DAPK2: variants seen among roughly 807,000 people sequenced by gnomAD.
DAPK2 encodes the protein death-associated protein kinase 2.
In DAPK2, 35 loss-of-function variants were observed where a neutral mutation model predicts 44.1. The ratio of observed to expected loss-of-function variants is 0.79; its 90% CI spans 0.61 to 1.05. The LOEUF (loss-of-function observed/expected upper bound fraction) is 1.05. Among genes scored for constraint, DAPK2 ranks in the 50% least tolerant of loss-of-function variants. DAPK2 has a pLI of 0.00. For synonymous variants in DAPK2, 174 were observed against 182.6 expected (o/e 0.95, Z 0.38); for missense variants, 453 against 483.2 (o/e 0.94, Z 0.59).
At chr15:63,946,039 C>A (rs1277914458) in intron 3 of DAPK2, among the ~76,000 whole-genome samples, 1 of 152,268 alleles carries the variant, frequency 6.6e-6, no homozygotes, top group Non-Finnish European at 1.5e-5. Context: ...CCTGACATCA[C>A]CTCCAAAGCA....
chr15:64,015,472 C>T (rs896359042), intron 1 of DAPK2, among the ~76,000 whole-genome samples: 6 of 152,186 alleles, frequency 3.9e-5, no homozygotes, highest in Non-Finnish European at 5.9e-5. Context: ...CCCCAAAGTT[C>T]TCATGCAACT....
rs867585698 is a variant in DAPK2 at position 64,028,204 on chromosome 15, G to A, written c.92+11966C>T. 5.9e-5 allele frequency among the ~76,000 whole-genome samples: 9 copies of A among 152,238 alleles called. No individual in the cohort carries two copies. The Middle Eastern group carries it at 0.01, about 173-fold the overall frequency. On this transcript the variant is annotated intron_variant, in intron 1 of 10. Transcript: ENST00000261891. ...CTCCCAGGTTGCTGGGACTACAGGTGTGCGCCACCACACCTGGCTAATTTT... is the reference window on the plus strand; with the variant it reads ...CTCCCAGGTTGCTGGGACTACAGGTATGCGCCACCACACCTGGCTAATTTT...
At chr15:63,993,669 A>T (rs1300448099) in intron 1 of DAPK2, among the ~76,000 whole-genome samples, 1 of 152,094 alleles carries the variant, frequency 6.6e-6, no homozygotes, top group Non-Finnish European at 1.5e-5. Flanking sequence ...AATGGGGAAG[A>T]CTACATATCA....
chr15:63,983,502 C>T (rs1458610008), intron 2 of DAPK2, 31 bp downstream of exon 3: 1 of 1,605,468 alleles, frequency 6.2e-7, no homozygotes, highest in Non-Finnish European at 8.5e-7. Context: ...TGCTGCCCCC[C>T]AACCCTGTGG....
chr15:63,977,029 T>TTC lies in DAPK2; in HGVS notation c.315-5469_315-5468insGA, dbSNP rs1214222028. Among the ~76,000 whole-genome samples, 36 of 152,190 alleles carry TTC rather than the reference T, an allele frequency of 2.4e-4. 1 individual carries two copies. The highest frequency in any genetic ancestry group is 1.7e-3 in the Admixed American group (26 of 15,290). On this transcript the variant is annotated intron_variant, in intron 2 of 10. Coordinates refer to ENST00000261891, the Ensembl canonical transcript of DAPK2. ...GAACACCATGAGGAAGGAACAAGTC[T>TTC]AATCCAGACTGTGAAACAGGACAAG... is the stretch of plus-strand genomic sequence containing the variant.
At position 63,946,139 on chromosome 15, in the gene DAPK2, A is replaced by C. The variant is rs140059573; in HGVS notation, c.454-6778T>G. Among the ~76,000 whole-genome samples, 1,037 of 152,360 alleles carry C rather than the reference A, an allele frequency of 6.8e-3. 12 individuals carry two copies. The highest frequency in any genetic ancestry group is 0.024 in the African/African-American group (980 of 41,582). ...ACCAGGAGGCAGAAATACCCTTGTC[A>C]AAACAAACCCACCCAGCTCATCCCG... On this transcript the variant is annotated intron_variant, in intron 3 of 10. Coordinates refer to ENST00000261891, the Ensembl canonical transcript of DAPK2.
At chr15:63,951,417 T>G (rs1009443412) in intron 3 of DAPK2, among the ~76,000 whole-genome samples, 3 of 152,174 alleles carry the variant, frequency 2.0e-5, no homozygotes, top group Non-Finnish European at 4.4e-5. Flanking sequence ...TCAGCCCCAG[T>G]GTCCCTTCCA....
At chr15:64,033,628 G>A (rs28544998) in intron 1 of DAPK2, among the ~76,000 whole-genome samples, 5,711 of 152,060 alleles carry the variant, frequency 0.038, 342 homozygotes, top group African/African-American at 0.13. Flanking sequence ...AATGACCATC[G>A]CTGGGCACAG....
chr15:64,010,521 A>G (rs2079362713), intron 1 of DAPK2, among the ~76,000 whole-genome samples: 3 of 152,180 alleles, frequency 2.0e-5, no homozygotes, highest in African/African-American at 7.2e-5. Context: ...GATGATCCCT[A>G]CATTTGTCTC....
At position 63,990,749 on chromosome 15, in the gene DAPK2, C is replaced by A. The variant is rs17788807; in HGVS notation, c.93-6995G>T. On this transcript the variant is annotated intron_variant, in intron 1 of 10. Coordinates refer to ENST00000261891, the Ensembl canonical transcript of DAPK2. The surrounding 1 kb of genome is among the most constrained non-coding windows in gnomAD (Gnocchi z 4.3). ...CCGTGATTCCTCTGGAATTACCCTG[C>A]GAGGTTTCAGGGCCATAGGGCAGGG... Among the ~76,000 whole-genome samples, 1 of 152,032 alleles carries A rather than the reference C, an allele frequency of 6.6e-6. No homozygotes were observed. Among genetic ancestry groups the A allele is most frequent in the Non-Finnish European group, 1.5e-5 (1 of 67,998 alleles).
chr15:64,019,218 C>T (rs950723071), intron 1 of DAPK2, among the ~76,000 whole-genome samples: 6 of 152,208 alleles, frequency 3.9e-5, no homozygotes, highest in Non-Finnish European at 7.3e-5. Context: ...CTGGGCCAAG[C>T]GGAGCTAGCT....
intron 6 of DAPK2, among the ~76,000 whole-genome samples, chr15:63,929,247 T>C (rs997980250): frequency 1.3e-5 from 2 of 149,992 alleles, no homozygotes; most frequent in African/African-American, 4.9e-5. Context: ...TTCTCCAGTA[T>C]ACCTCAGTCT....
chr15:64,002,955 T>G (rs1567266457), intron 1 of DAPK2, among the ~76,000 whole-genome samples: 83 of 118,696 alleles, frequency 7.0e-4, no homozygotes, highest in South Asian at 1.2e-3. Context: ...TGTGTGTGTG[T>G]GTGTGTGTGT....
At chr15:63,973,358 C>T (rs2078263806) in intron 2 of DAPK2, among the ~76,000 whole-genome samples, 1 of 152,224 alleles carries the variant, frequency 6.6e-6, no homozygotes, top group African/African-American at 2.4e-5. Context: ...TTGCTCAAAG[C>T]TGCAGGGGCA....
At chr15:64,043,139 G>A (rs776673163), upstream of DAPK2, among the ~76,000 whole-genome samples, 6 of 152,164 alleles carry the variant, frequency 3.9e-5, no homozygotes, top group African/African-American at 1.2e-4. Context: ...GAAAATGAAC[G>A]TAAGACAATG....
intron 1 of DAPK2, among the ~76,000 whole-genome samples, chr15:63,984,267 A>T (rs2078611447): frequency 6.6e-6 from 1 of 152,222 alleles, no homozygotes; most frequent in African/African-American, 2.4e-5. Context: ...AGGATAGGTC[A>T]TGTGACTCGC....
chr15:63,970,301 C>A (rs2140731560), intron 3 of DAPK2, among the ~76,000 whole-genome samples: 1 of 152,356 alleles, frequency 6.6e-6, no homozygotes, highest in African/African-American at 2.4e-5. Flanking sequence ...ACTTCCCATG[C>A]CTGTACTTCC....
intron 4 of DAPK2, among the ~76,000 whole-genome samples, chr15:63,936,185 A>C (rs1180216446): frequency 6.6e-6 from 1 of 152,214 alleles, no homozygotes; most frequent in Non-Finnish European, 1.5e-5. Context: ...AGTGGCGACA[A>C]GTGCACTTGC....
At chr15:63,969,808 T>C (rs2078161539) in intron 3 of DAPK2, among the ~76,000 whole-genome samples, 1 of 150,330 alleles carries the variant, frequency 6.7e-6, no homozygotes, top group Non-Finnish European at 1.5e-5. Flanking sequence ...TCATAGAAGG[T>C]CACCCTATCA....
Sources: allele counts gnomAD v4.1 joint callset (sites outside exome capture counted in the v4.1 genomes callset), GRCh38; gene constraint gnomAD v4.1.1; non-coding constraint Gnocchi (gnomAD v3.1); transcripts MANE v1.5; gene names NCBI Gene and HGNC (gene_info 2026-07-23, HGNC 2026-07-21).